Variants in GAB1 observed in about 807,000 individuals in gnomAD.
GAB1 encodes the protein GRB2-associated-binding protein 1.
GAB1 carries 19 observed loss-of-function variants against 66.5 expected under a neutral mutation model. That is an observed-to-expected ratio of 0.29 (90% CI 0.20 to 0.42). GAB1 has a LOEUF of 0.42. Ranked by LOEUF, GAB1 falls within the 10% of genes least tolerant of loss-of-function variation. The pLI is 1.00. For synonymous variants in GAB1, 294 were observed against 301.4 expected, an observed-to-expected ratio of 0.98 and a Z score of 0.25; for missense variants, 732 against 858.5, an observed-to-expected ratio of 0.85 and a Z score of 1.84.
chr4:143,448,965 G>A (rs369398087), intron 6 of GAB1, among the ~76,000 whole-genome samples: 1 of 152,082 alleles, frequency 6.6e-6, no homozygotes, highest in Non-Finnish European at 1.5e-5. Flanking sequence ...CTTTGAATGT[G>A]TCCCAGAGAT....
chr4:143,440,414 G>C (rs1288037545), intron 6 of GAB1, 32 bp downstream of exon 6: 1 of 1,548,452 alleles, frequency 6.5e-7, no homozygotes, highest in African/African-American at 1.4e-5. Flanking sequence ...AAAAGGCTTG[G>C]GGAGTGCCAA....
chr4:143,442,994 T>C (rs1734319659), intron 6 of GAB1, among the ~76,000 whole-genome samples: 1 of 151,654 alleles, frequency 6.6e-6, no homozygotes, highest in South Asian at 2.1e-4. Context: ...AAAAATTTAC[T>C]TTTCTTTAGT....
chr4:143,366,488 G>A (rs1190761574), intron 1 of GAB1, among the ~76,000 whole-genome samples: 1 of 152,090 alleles, frequency 6.6e-6, no homozygotes, highest in African/African-American at 2.4e-5. Context: ...ATTCCATAAG[G>A]ATAATATATA....
At chr4:143,435,943 G>T (rs550203760) in intron 3 of GAB1, among the ~76,000 whole-genome samples, 1 of 152,062 alleles carries the variant, frequency 6.6e-6, no homozygotes, top group Non-Finnish European at 1.5e-5. Context: ...TTGTTTTATC[G>T]CAGTGTTAGA....
intron 1 of GAB1, among the ~76,000 whole-genome samples, chr4:143,409,592 G>A (rs757741007): frequency 7.9e-5 from 12 of 152,082 alleles, no homozygotes; most frequent in Non-Finnish European, 1.5e-4. Context: ...GTTTGGAAAT[G>A]TAAAATAATA....
At chr4:143,468,274 G>T (rs1735904238) in intron 9 of GAB1, among the ~76,000 whole-genome samples, 1 of 143,958 alleles carries the variant, frequency 6.9e-6, no homozygotes, top group Non-Finnish European at 1.5e-5. Context: ...CAGTGCAGTG[G>T]CACGATCTTG....
chr4:143,373,886 T>TAAATAAATAAA (rs1560726035), intron 1 of GAB1, among the ~76,000 whole-genome samples: 1 of 128,270 alleles, frequency 7.8e-6, no homozygotes. Flanking sequence ...TATATATATA[T>TAAATAAATAAA]TTTTACCTTT....
At chr4:143,362,929 T>C (rs1377434552) in intron 1 of GAB1, among the ~76,000 whole-genome samples, 1 of 152,216 alleles carries the variant, frequency 6.6e-6, no homozygotes, top group South Asian at 2.1e-4. Flanking sequence ...CACATAGGCA[T>C]AATACTCTGT....
chr4:143,436,710 C>A (rs1249607117), intron 3 of GAB1, among the ~76,000 whole-genome samples: 2 of 152,096 alleles, frequency 1.3e-5, no homozygotes, highest in African/African-American at 4.8e-5. Flanking sequence ...TCTTTCAATG[C>A]AAGCCAGGAA....
intron 6 of GAB1, among the ~76,000 whole-genome samples, chr4:143,457,001 A>T (rs1316352215): frequency 2.6e-5 from 4 of 152,198 alleles, no homozygotes; most frequent in Non-Finnish European, 5.9e-5. Context: ...GAAGCTAGGC[A>T]ATCAGTAGAA....
intron 1 of GAB1, among the ~76,000 whole-genome samples, chr4:143,385,782 A>G (rs1480483155): frequency 6.6e-6 from 1 of 152,216 alleles, no homozygotes; most frequent in African/African-American, 2.4e-5. Context: ...AGATCAGCAA[A>G]CAGTGGTCTG....
At chr4:143,429,299 C>T (rs1733531205) in intron 2 of GAB1, among the ~76,000 whole-genome samples, 1 of 152,010 alleles carries the variant, frequency 6.6e-6, no homozygotes, top group African/African-American at 2.4e-5. Context: ...GATGGGGTTT[C>T]AACCATGTTG....
intron 1 of GAB1, among the ~76,000 whole-genome samples, chr4:143,372,274 A>C (rs773055942): frequency 2.0e-5 from 3 of 152,130 alleles, no homozygotes; most frequent in Admixed American, 2.0e-4. Context: ...TCCGTTTGCT[A>C]TTCTCTTGCC....
chr4:143,370,835 G>A (rs1055435332), intron 1 of GAB1, among the ~76,000 whole-genome samples: 1 of 152,142 alleles, frequency 6.6e-6, no homozygotes, highest in African/African-American at 2.4e-5. Flanking sequence ...TGCTCAGAAT[G>A]ATGGTTTCCA....
At chr4:143,396,632 AT>A (rs1048212953) in intron 1 of GAB1, among the ~76,000 whole-genome samples, 3 of 152,198 alleles carry the variant, frequency 2.0e-5, no homozygotes, top group African/African-American at 4.8e-5. Context: ...ATATAAGCAT[AT>A]TATTTGGAAA....
rs1180218522 is a variant in GAB1 at position 143,439,802 on chromosome 4, A to G, written c.1196A>G (p.Asp399Gly). Reference protein sequence around the residue: ...STVDLNKLRKDASSQDCYDIP... With the variant: ...STVDLNKLRKGASSQDCYDIP... ...GTTGATAGTTTGTTCTTTATTTTAG[A>G]TGCTAGTTCTCAAGACTGCTATGAT... Residue 399 changes from aspartate to glycine, a missense_variant and splice_region_variant, in exon 5 of 10, where the codon GAT (aspartate) becomes GGT (glycine). Around this residue, in one of 4 missense-constraint regions of GAB1, gnomAD observed 427 missense variants for 420.6 expected, o/e 1.02. Coordinates refer to ENST00000262994, the MANE Select transcript of GAB1 (RefSeq NM_002039.4). 1.2e-6 allele frequency: 2 copies of G among 1,606,380 alleles called. No homozygotes were observed. The highest frequency in any genetic ancestry group is 1.1e-5 in the South Asian group (1 of 90,924).
At chr4:143,441,515 T>G (rs1734228836) in intron 6 of GAB1, among the ~76,000 whole-genome samples, 1 of 151,692 alleles carries the variant, frequency 6.6e-6, no homozygotes, top group African/African-American at 2.4e-5. Flanking sequence ...GAAAAAAGAT[T>G]TGGTTTTGTT....
At chr4:143,448,775 G>A (rs1411037570) in intron 6 of GAB1, among the ~76,000 whole-genome samples, 1 of 151,256 alleles carries the variant, frequency 6.6e-6, no homozygotes, top group Admixed American at 6.6e-5. Flanking sequence ...AGGGTTTTTT[G>A]TGTCTCTATT....
At chr4:143,446,478 T>C (rs1039210321) in intron 6 of GAB1, among the ~76,000 whole-genome samples, 3 of 150,690 alleles carry the variant, frequency 2.0e-5, no homozygotes, top group Admixed American at 6.6e-5. Context: ...TTTTTAATGA[T>C]TGCCATTCTA....
Sources: gnomAD v4.1 joint callset for allele counts (sites outside exome capture counted in the v4.1 genomes callset) on GRCh38, gnomAD v4.1.1 for gene constraint, gnomAD v4.1.1 regional missense constraint, MANE v1.5 for transcripts, NCBI Gene and HGNC (gene_info 2026-07-23, HGNC 2026-07-21) for gene names.